The following COL6A5 variants were observed in gnomAD, a reference collection of about 807,000 sequenced individuals.
The protein encoded by COL6A5 is collagen type VI alpha 5 chain.
In COL6A5, 48 loss-of-function variants were observed where a neutral mutation model predicts 65.6. The observed-to-expected ratio is 0.73, with a 90% confidence interval of 0.58 to 0.93. The LOEUF (loss-of-function observed/expected upper bound fraction) is 0.93. Among genes scored for constraint, COL6A5 ranks in the 40% least tolerant of loss-of-function variants. The probability of loss-of-function intolerance (pLI) is 0.00; values close to 1 mark genes in which losing one functional copy is unlikely to be tolerated. For missense variants in COL6A5, 914 were observed against 928.3 expected, an observed-to-expected ratio of 0.98 and a Z score of 0.20; for synonymous variants, 291 against 322.8, an observed-to-expected ratio of 0.90 and a Z score of 1.05.
chr3:130,460,808 G>A (rs540546254), intron 5 of COL6A5, among the ~76,000 whole-genome samples: 12 of 151,878 alleles, frequency 7.9e-5, no homozygotes, highest in African/African-American at 2.2e-4. Context: ...AGGTGGGGTG[G>A]TGATGGTGGT....
chr3:130,373,722 C>T lies in COL6A5; in HGVS notation c.67+17C>T, dbSNP rs530636457. On this transcript the variant is annotated intron_variant and NMD_transcript_variant, in intron 2 of 41. Coordinates refer to the COL6A5 transcript ENST00000312481. ...AGAGCCCAGGTATCAGTATATTTTA[C>T]GTTTATTATTATTTAGGAAATATTT... The T allele has an allele frequency of 7.1e-5, 104 of 1,455,060 alleles. No homozygotes were observed. Among genetic ancestry groups the T allele is most frequent in the African/African-American group, 6.1e-4 (43 of 70,738 alleles). 90.1% of individuals were successfully genotyped at this position (1,455,060 alleles called of 1,614,324 possible).
At chr3:130,454,248 A>AT (rs36047411) in intron 4 of COL6A5, among the ~76,000 whole-genome samples, 126,200 of 152,100 alleles carry the variant, frequency 0.83, 53,983 homozygotes, top group Non-Finnish European at 0.93. Flanking sequence ...AACCAAAAAA[A>AT]GGTAGACATT....
chr3:130,346,156 C>T (rs1156929816), intron 1 of COL6A5, among the ~76,000 whole-genome samples, 175 bp downstream of exon 1: 2 of 152,164 alleles, frequency 1.3e-5, no homozygotes, highest in African/African-American at 4.8e-5. Flanking sequence ...AAGGTAGACT[C>T]AGAATTCGAA....
intron 1 of COL6A5, among the ~76,000 whole-genome samples, chr3:130,363,804 T>C (rs9843331): frequency 0.98 from 148,457 of 152,232 alleles, 72,521 homozygotes; most frequent in East Asian, 1. Context: ...CATTGCACCT[T>C]CAGCCATTTG....
rs536044109 is a variant in COL6A5, at chr3:130,442,719, CAGTA to C, written c.1242-753_1242-750del. ...TGCATCACAATTCTTGCCCACCCAA[CAGTA>C]AGTGTCAGATGCAATTAATCAGAAG... is the stretch of plus-strand genomic sequence containing the variant. On this transcript the variant is annotated intron_variant, in intron 3 of 7. Transcript: ENST00000512836. Among the ~76,000 whole-genome samples the C allele has an allele frequency of 9.9e-4, 150 of 152,280 alleles. 1 individual carries two copies. Among genetic ancestry groups the C allele is most frequent in the African/African-American group, 3.5e-3 (145 of 41,564 alleles).
intron 1 of COL6A5, among the ~76,000 whole-genome samples, chr3:130,353,215 A>G (rs536136628): frequency 1.3e-5 from 2 of 152,346 alleles, no homozygotes; most frequent in East Asian, 1.9e-4. Flanking sequence ...AGCCAAGGAC[A>G]TGAATGTGAA....
chr3:130,358,331 A>T (rs559789200), intron 1 of COL6A5, among the ~76,000 whole-genome samples: 1 of 152,152 alleles, frequency 6.6e-6, no homozygotes, highest in African/African-American at 2.4e-5. Flanking sequence ...AATTATTGTT[A>T]TTTTTATTTA....
intron 6 of COL6A5, 60 bp from the exon 39 acceptor site, chr3:130,470,811 T>C: frequency 8.1e-7 from 1 of 1,239,814 alleles, no homozygotes; most frequent in Non-Finnish European, 1.2e-6. Flanking sequence ...GATCTGACTT[T>C]GGGTGAGATA....
At chr3:130,376,149 C>G (rs1320050308) in intron 2 of COL6A5, 88 bp from the exon 3 acceptor site, 16 of 1,339,928 alleles carry the variant, frequency 1.2e-5, no homozygotes, top group Non-Finnish European at 1.6e-5. Flanking sequence ...ACACTTAACA[C>G]CAGCACATAG....
At chr3:130,376,145 A>C (rs1386528920) in intron 2 of COL6A5, 92 bp from the exon 3 acceptor site, 1 of 1,308,148 alleles carries the variant, frequency 7.6e-7, no homozygotes, top group Non-Finnish European at 1.0e-6. Context: ...ATATACACTT[A>C]ACACCAGCAC....
At chr3:130,416,762 T>C in exon 24 of COL6A5, 1 of 1,531,798 alleles carries the variant, frequency 6.5e-7, no homozygotes, top group South Asian at 1.2e-5. Flanking sequence ...TTCAGGGTTC[T>C]CCTGGGCTAA....
rs958742217 is a variant in COL6A5 at position 130,367,109 on chromosome 3, G to A, written c.-28-6502G>A. Among the ~76,000 whole-genome samples, 10 of 152,352 alleles carry A rather than the reference G, an allele frequency of 6.6e-5. No homozygotes were observed. The East Asian group carries it at 1.9e-3, about 29-fold the overall frequency. On this transcript the variant is annotated intron_variant and NMD_transcript_variant, in intron 1 of 41. Coordinates refer to the COL6A5 transcript ENST00000312481. Reference sequence around the variant, plus strand: ...ACTGGGAACGTGATGGTTGTTAGATGTGTTAATTAAACTGTAGCCCGTGTT... The same window carrying A: ...ACTGGGAACGTGATGGTTGTTAGATATGTTAATTAAACTGTAGCCCGTGTT...
intron 7 of COL6A5, among the ~76,000 whole-genome samples, chr3:130,479,319 G>C (rs1292345797): frequency 6.6e-6 from 1 of 152,100 alleles, no homozygotes; most frequent in Non-Finnish European, 1.5e-5. Flanking sequence ...CCAGAACTGA[G>C]AGAAATAGAT....
At chr3:130,478,219 G>A (rs1710146075) in intron 7 of COL6A5, among the ~76,000 whole-genome samples, 1 of 152,070 alleles carries the variant, frequency 6.6e-6, no homozygotes, top group South Asian at 2.1e-4. Context: ...CTTCATAAAT[G>A]TTAGCTGCTA....
chr3:130,409,216 G>A (rs1005248053), intron 17 of COL6A5, 110 bp from the exon 18 acceptor site: 61 of 737,118 alleles, frequency 8.3e-5, no homozygotes, highest in Non-Finnish European at 1.2e-4. Context: ...ACTGTGATAG[G>A]ACAAAGAGCA....
chr3:130,448,306 C>T (rs373059434), intron 4 of COL6A5, among the ~76,000 whole-genome samples: 14 of 152,254 alleles, frequency 9.2e-5, no homozygotes, highest in South Asian at 4.1e-4. Flanking sequence ...CTTTCCTCTA[C>T]GAATTCCAGT....
chr3:130,350,564 C>A (rs1029763749), intron 1 of COL6A5, among the ~76,000 whole-genome samples: 1 of 152,152 alleles, frequency 6.6e-6, no homozygotes, highest in Admixed American at 6.5e-5. Context: ...TTCACAATTT[C>A]TTCAAAGAGA....
intron 22 of COL6A5, among the ~76,000 whole-genome samples, chr3:130,414,705 G>A (rs770623281): frequency 5.9e-5 from 9 of 152,036 alleles, no homozygotes; most frequent in Non-Finnish European, 1.3e-4. Flanking sequence ...GAGTAGCTTC[G>A]TAGCACATGG....
intron 7 of COL6A5, among the ~76,000 whole-genome samples, chr3:130,480,407 G>A (rs1368518811): frequency 6.6e-6 from 1 of 151,980 alleles, no homozygotes; most frequent in Admixed American, 6.6e-5. Flanking sequence ...TTAGGCAAAT[G>A]AAATATTTTA....
Sources: allele counts gnomAD v4.1 joint callset (sites outside exome capture counted in the v4.1 genomes callset), GRCh38; gene constraint gnomAD v4.1.1; transcripts MANE v1.5; gene names NCBI Gene and HGNC (gene_info 2026-07-23, HGNC 2026-07-21).